C6orf62: variants seen among roughly 807,000 people sequenced by gnomAD.
The protein encoded by C6orf62 is uncharacterized protein C6orf62.
A neutral mutation model predicts 26.8 loss-of-function variants in C6orf62; 16 were observed. That is an observed-to-expected ratio of 0.60 (90% confidence interval 0.40 to 0.91). The LOEUF (loss-of-function observed/expected upper bound fraction) is 0.91. Among genes scored for constraint, C6orf62 ranks in the 40% least tolerant of loss-of-function variants. The pLI, the probability that C6orf62 is intolerant of heterozygous loss-of-function variation, is 0.00. For missense variants in C6orf62, 192 were observed against 271.4 expected, an observed-to-expected ratio of 0.71 and a Z score of 2.06; for synonymous variants, 112 against 91.5, an observed-to-expected ratio of 1.22 and a Z score of -1.28.
rs1779291247 is a variant in C6orf62 at position 24,718,786 on chromosome 6, T to C, written c.-118A>G. On this transcript the variant is annotated 5_prime_UTR_variant, in exon 1 of 5. Transcript: ENST00000378119. ...TTTTTTTCCTGCTAATATGATTGATTAGCGAAAATCACGACTATAACCCAA... is the reference window on the plus strand; with the variant it reads ...TTTTTTTCCTGCTAATATGATTGATCAGCGAAAATCACGACTATAACCCAA... 1.9e-5 allele frequency: 30 copies of C among 1,558,234 alleles called. No homozygotes were observed. Among genetic ancestry groups the C allele is most frequent in the Non-Finnish European group, 2.1e-5 (24 of 1,162,406 alleles).
chr6:24,712,497 C>A (rs1171379430), intron 3 of C6orf62, among the ~76,000 whole-genome samples: 1 of 151,854 alleles, frequency 6.6e-6, no homozygotes, highest in Non-Finnish European at 1.5e-5. Context: ...GGTGAAAACC[C>A]GTCTCTACTA....
chr6:24,715,358 C>T (rs1356454677), intron 2 of C6orf62, among the ~76,000 whole-genome samples: 1 of 152,104 alleles, frequency 6.6e-6, no homozygotes, highest in Non-Finnish European at 1.5e-5. Context: ...GGAAGCACTT[C>T]CTTATATTCA....
intron 1 of C6orf62, among the ~76,000 whole-genome samples, chr6:24,718,075 G>GGT (rs1779269301): frequency 6.6e-6 from 1 of 152,108 alleles, no homozygotes; most frequent in South Asian, 2.1e-4. Flanking sequence ...GCTCCTAAAA[G>GGT]GTGTATTCTA....
chr6:24,715,863 A>AAG lies in C6orf62; in HGVS notation c.306+284_306+285insCT, dbSNP rs1364070623. ...GACTTTGTCTCAAAAAAAAAAAAAA[A>AAG]AAAAAAAGTCCGAGATCATCAACAC... is the stretch of plus-strand genomic sequence containing the variant. On this transcript the variant is annotated intron_variant, in intron 2 of 4. Coordinates refer to ENST00000378119, the MANE Select transcript of C6orf62 (RefSeq NM_030939.5). Among the ~76,000 whole-genome samples, 3 of 151,682 alleles carry AAG rather than the reference A, an allele frequency of 2.0e-5. No individual in the cohort carries two copies. In the East Asian group the frequency reaches 5.8e-4, roughly 29 times the overall value.
rs767678267 is a variant in C6orf62, at chr6:24,712,973, G to A, written c.429+1345C>T. Among the ~76,000 whole-genome samples, 4 of 152,150 alleles carry A rather than the reference G, an allele frequency of 2.6e-5. No individual in the cohort carries two copies. In the South Asian group the frequency reaches 6.2e-4, roughly 24 times the overall value. On this transcript the variant is annotated intron_variant, in intron 3 of 4. Transcript: ENST00000378119. The stretch of plus-strand genomic sequence containing the variant: ...GCCCTGCGCTGAGAACTTTAAACAT[G>A]CCTTTTCTATTCCTGTTTTCATGCC...
At chr6:24,709,624 G>A (rs999378035) in intron 3 of C6orf62, 4 of 985,290 alleles carry the variant, frequency 4.1e-6, no homozygotes, top group Admixed American at 6.1e-5. Flanking sequence ...GTTTTTATGT[G>A]AATTTTTCCC....
intron 1 of C6orf62, among the ~76,000 whole-genome samples, chr6:24,717,051 A>T (rs1433404900): frequency 1.3e-5 from 2 of 152,198 alleles, no homozygotes; most frequent in Non-Finnish European, 1.5e-5. Context: ...AAGACTAAAA[A>T]GAAGCACACC....
intron 1 of C6orf62, among the ~76,000 whole-genome samples, chr6:24,716,758 T>C (rs1779241349): frequency 6.6e-6 from 1 of 152,028 alleles, no homozygotes; most frequent in African/African-American, 2.4e-5. Context: ...AGTCTCACTG[T>C]GTTGCCCAGG....
At chr6:24,717,055 G>A (rs1252528983) in intron 1 of C6orf62, among the ~76,000 whole-genome samples, 1 of 152,092 alleles carries the variant, frequency 6.6e-6, no homozygotes, top group Non-Finnish European at 1.5e-5. Context: ...CTAAAAAGAA[G>A]CACACCAAGT....
chr6:24,712,867 C>T (rs563974227), intron 3 of C6orf62, among the ~76,000 whole-genome samples: 1 of 152,214 alleles, frequency 6.6e-6, no homozygotes, highest in East Asian at 1.9e-4. Context: ...ATAAGCAGAC[C>T]TACATTTTTC....
At chr6:24,718,390 T>C (rs900886587) in intron 1 of C6orf62, 150 bp downstream of exon 1, 1 of 713,418 alleles carries the variant, frequency 1.4e-6, no homozygotes, top group Non-Finnish European at 2.2e-6. Context: ...ATTCACAGAA[T>C]CACCCCTAAG....
chr6:24,715,778 G>A (rs1395986439), intron 2 of C6orf62, among the ~76,000 whole-genome samples: 1 of 150,012 alleles, frequency 6.7e-6, no homozygotes, highest in African/African-American at 2.5e-5. Context: ...AATGCGCGAG[G>A]GCAGAGGTTG....
chr6:24,709,197 T>C (rs772249979), intron 3 of C6orf62: 150 of 982,136 alleles, frequency 1.5e-4, no homozygotes, highest in Non-Finnish European at 1.8e-4. Flanking sequence ...ATACAGAACA[T>C]TTCCTTAATT....
chr6:24,708,009 G>GA (rs543383868), intron 4 of C6orf62, among the ~76,000 whole-genome samples: 1,610 of 136,268 alleles, frequency 0.012, 17 homozygotes, highest in African/African-American at 0.035. Context: ...TCCCTCTCAA[G>GA]AAAAAAAAAA....
At chr6:24,709,852 C>A (rs372122634) in intron 3 of C6orf62, 1 of 984,782 alleles carries the variant, frequency 1.0e-6, no homozygotes, top group African/African-American at 1.8e-5. Context: ...GATATTTAGA[C>A]AATACTGAGT....
chr6:24,718,430 T>C lies in C6orf62; in HGVS notation c.129+110A>G, dbSNP rs1050115001. The C allele has an allele frequency of 8.7e-6, 10 of 1,144,926 alleles. No homozygotes were observed. The East Asian group carries it at 1.8e-4, about 21-fold the overall frequency. The allele number at this position is 1,144,926 out of a possible 1,614,324, so 70.9% of individuals were successfully genotyped here. ...AAAAAACAGAGCATACAAAGCAGAC[T>C]TTTTTTCAACCACTCTTTAACCTAA... On this transcript the variant is annotated intron_variant, in intron 1 of 4. Transcript: ENST00000378119.
intron 2 of C6orf62, among the ~76,000 whole-genome samples, chr6:24,714,954 A>G (rs1227120901): frequency 6.6e-6 from 1 of 151,958 alleles, no homozygotes; most frequent in Non-Finnish European, 1.5e-5. Flanking sequence ...AGTCACATAC[A>G]CTCAGTCCAA....
upstream of C6orf62, chr6:24,720,037 A>AT (rs1471099889): frequency 7.1e-7 from 1 of 1,412,460 alleles, no homozygotes; most frequent in Non-Finnish European, 9.4e-7. Flanking sequence ...CCCCCAAAAA[A>AT]TTAAGTTCCC....
upstream of C6orf62, chr6:24,720,359 C>T (rs986631220): frequency 2.4e-6 from 3 of 1,228,648 alleles, no homozygotes; most frequent in East Asian, 3.4e-5. Flanking sequence ...GCCAACTGAG[C>T]CCCTCCATCC....
Sources: allele counts gnomAD v4.1 joint callset (sites outside exome capture counted in the v4.1 genomes callset), GRCh38; gene constraint gnomAD v4.1.1; transcripts MANE v1.5; gene names NCBI Gene and HGNC (gene_info 2026-07-23, HGNC 2026-07-21).